Variants in MSRA observed in about 807,000 individuals in gnomAD.
MSRA encodes methionine sulfoxide reductase A.
In MSRA, 54 loss-of-function variants were observed where a neutral mutation model predicts 31.3. The ratio of observed to expected loss-of-function variants is 1.73; its 90% CI spans 1.39 to 2.17. The LOEUF (loss-of-function observed/expected upper bound fraction) is 2.17, where lower values mean the gene tolerates loss of function less well. Ranked by LOEUF, MSRA falls within the 30% of genes most tolerant of loss-of-function variation. The probability of loss-of-function intolerance (pLI) is 0.00; values close to 1 mark genes in which losing one functional copy is unlikely to be tolerated. For synonymous variants in MSRA, 169 were observed against 116.5 expected (o/e 1.45, Z -2.90); for missense variants, 507 against 300.9 (o/e 1.69, Z -5.07).
intron 5 of MSRA, among the ~76,000 whole-genome samples, chr8:10,366,228 C>G (rs1471701996): frequency 6.6e-6 from 1 of 152,216 alleles, no homozygotes; most frequent in Non-Finnish European, 1.5e-5. Context: ...GGAAGCTGTT[C>G]CAGGCAAAGG....
intron 1 of MSRA, among the ~76,000 whole-genome samples, chr8:10,156,723 C>A (rs894369401): frequency 5.3e-5 from 8 of 150,234 alleles, no homozygotes; most frequent in Non-Finnish European, 1.0e-4. Flanking sequence ...TGATTCACTT[C>A]TTTTGACCAG....
chr8:10,292,013 A>G (rs1312038378), intron 3 of MSRA, among the ~76,000 whole-genome samples: 1 of 152,226 alleles, frequency 6.6e-6, no homozygotes, highest in African/African-American at 2.4e-5. Context: ...GCATTTGATC[A>G]GTATTTATTA....
intron 2 of MSRA, among the ~76,000 whole-genome samples, chr8:10,213,515 C>T (rs1437527511): frequency 6.8e-6 from 1 of 146,282 alleles, no homozygotes; most frequent in African/African-American, 2.6e-5. Context: ...CGGCTCACTG[C>T]AACCTCCGCC....
At chr8:10,388,484 A>C (rs1189747132) in intron 5 of MSRA, among the ~76,000 whole-genome samples, 1 of 152,180 alleles carries the variant, frequency 6.6e-6, no homozygotes, top group South Asian at 2.1e-4. Context: ...AATAATCCTC[A>C]TGCCAAAGAG....
At chr8:10,338,188 C>A (rs929473535) in intron 5 of MSRA, among the ~76,000 whole-genome samples, 2 of 152,144 alleles carry the variant, frequency 1.3e-5, no homozygotes, top group African/African-American at 4.8e-5. Flanking sequence ...GCAATACTAG[C>A]AGAAAGCAAA....
At chr8:10,100,983 C>G (rs1359770147) in intron 1 of MSRA, among the ~76,000 whole-genome samples, 3 of 152,104 alleles carry the variant, frequency 2.0e-5, no homozygotes, top group Non-Finnish European at 4.4e-5. Flanking sequence ...CCTATTAGCC[C>G]TTCTAAGTTA....
intron 1 of MSRA, among the ~76,000 whole-genome samples, chr8:10,183,712 G>T (rs1222244029): frequency 2.0e-5 from 3 of 151,628 alleles, no homozygotes; most frequent in African/African-American, 7.3e-5. Context: ...AGATACAGAG[G>T]CATAGTGTTT....
At chr8:10,264,249 C>T (rs761642199) in intron 3 of MSRA, among the ~76,000 whole-genome samples, 7 of 152,202 alleles carry the variant, frequency 4.6e-5, no homozygotes, top group Non-Finnish European at 7.3e-5. Flanking sequence ...GTTTTCCCCT[C>T]ATTTCCAGTA....
chr8:10,162,943 C>G (rs1334305174), intron 1 of MSRA, among the ~76,000 whole-genome samples: 6 of 152,164 alleles, frequency 3.9e-5, no homozygotes, highest in Non-Finnish European at 7.3e-5. Flanking sequence ...GTTTGCACCT[C>G]TCCAAATTCC....
At chr8:10,254,510 A>G (rs185553542) in intron 3 of MSRA, among the ~76,000 whole-genome samples, 2 of 152,208 alleles carry the variant, frequency 1.3e-5, no homozygotes, top group Admixed American at 6.5e-5. Context: ...GGGTATTACA[A>G]TAGTAGTTTC....
chr8:10,375,001 G>A (rs144533503), intron 5 of MSRA, among the ~76,000 whole-genome samples: 1 of 152,264 alleles, frequency 6.6e-6, no homozygotes, highest in East Asian at 1.9e-4. Flanking sequence ...TTTACCTTCT[G>A]CCATGATTGT....
intron 1 of MSRA, among the ~76,000 whole-genome samples, chr8:10,111,205 G>A (rs1255497142): frequency 6.6e-6 from 1 of 152,192 alleles, no homozygotes; most frequent in Non-Finnish European, 1.5e-5. Context: ...ACATGGCTGG[G>A]TGATGGCAGT....
chr8:10,372,378 CAG>C (rs1404613823), intron 5 of MSRA, among the ~76,000 whole-genome samples: 1 of 152,220 alleles, frequency 6.6e-6, no homozygotes, highest in Non-Finnish European at 1.5e-5. Context: ...ATAAGAGAAA[CAG>C]ATTCCTTCTG....
chr8:10,350,631 C>T (rs1021313211), intron 5 of MSRA, among the ~76,000 whole-genome samples: 12 of 152,236 alleles, frequency 7.9e-5, no homozygotes, highest in African/African-American at 2.9e-4. Context: ...CTCAAATTTG[C>T]AGAGTCAGCT....
At chr8:10,096,694 A>G (rs1391442863) in intron 1 of MSRA, among the ~76,000 whole-genome samples, 1 of 152,174 alleles carries the variant, frequency 6.6e-6, no homozygotes, top group African/African-American at 2.4e-5. Flanking sequence ...ACTTAGATAT[A>G]TACTTTATAT....
intron 5 of MSRA, among the ~76,000 whole-genome samples, chr8:10,379,543 G>T (rs1025765423): frequency 1.3e-5 from 2 of 152,184 alleles, no homozygotes; most frequent in Non-Finnish European, 2.9e-5. Flanking sequence ...CAGCAGGAAG[G>T]CCAGTCCTTC....
chr8:10,289,053 G>T (rs899723569), intron 3 of MSRA, among the ~76,000 whole-genome samples: 3 of 150,850 alleles, frequency 2.0e-5, no homozygotes, highest in Non-Finnish European at 4.4e-5. Context: ...GTCTCGCTCT[G>T]TCGCCAGGCT....
At chr8:10,252,763 G>T (rs1267312989) in intron 3 of MSRA, among the ~76,000 whole-genome samples, 1 of 152,228 alleles carries the variant, frequency 6.6e-6, no homozygotes, top group Non-Finnish European at 1.5e-5. Context: ...ACCTGCTCCA[G>T]TTTACAGTAT....
chr8:10,070,153 A>T (rs1324588637), intron 1 of MSRA, among the ~76,000 whole-genome samples: 4 of 152,196 alleles, frequency 2.6e-5, no homozygotes, highest in Non-Finnish European at 5.9e-5. Flanking sequence ...AAATAAGAGG[A>T]TTAGGTAGCT....
Sources: gnomAD v4.1 joint callset for allele counts (sites outside exome capture counted in the v4.1 genomes callset) on GRCh38, gnomAD v4.1.1 for gene constraint, MANE v1.5 for transcripts, NCBI Gene and HGNC (gene_info 2026-07-23, HGNC 2026-07-21) for gene names.